Variants in MALRD1 observed in about 807,000 individuals in gnomAD.
MALRD1 encodes the protein MAM and LDL-receptor class A domain-containing protein 1.
In MALRD1, 247 loss-of-function variants were observed where a neutral mutation model predicts 242.1. That is an observed-to-expected ratio of 1.02 (90% CI 0.92 to 1.13). The LOEUF (loss-of-function observed/expected upper bound fraction) is 1.13, where lower values mean the gene tolerates loss of function less well. Among genes scored for constraint, MALRD1 ranks in the 50% most tolerant of loss-of-function variants. The pLI is 0.00. For missense variants in MALRD1, 2,989 were observed against 2,533.1 expected (o/e 1.18, Z -3.86); for synonymous variants, 995 against 866.6 (o/e 1.15, Z -2.60).
chr10:19,061,862 T>C (rs1486462390), intron 1 of MALRD1, among the ~76,000 whole-genome samples: 5 of 152,134 alleles, frequency 3.3e-5, no homozygotes, highest in Non-Finnish European at 7.4e-5. Context: ...TTCATAATAT[T>C]AGATGTGGTA....
intron 35 of MALRD1, among the ~76,000 whole-genome samples, chr10:19,611,266 A>C (rs1164288615): frequency 1.3e-5 from 2 of 151,990 alleles, no homozygotes; most frequent in Non-Finnish European, 1.5e-5. Context: ...ATCAGGGAAC[A>C]CCAGGACTTA....
At chr10:19,161,811 C>T (rs572041868) in intron 12 of MALRD1, among the ~76,000 whole-genome samples, 48 of 152,170 alleles carry the variant, frequency 3.2e-4, no homozygotes, top group African/African-American at 1.1e-3. Context: ...AGGTGGATCA[C>T]GAGGTCAGGA....
Position 19,126,141 on chromosome 10 carries a change from T to G in MALRD1, c.943+1471T>G, listed in dbSNP as rs182209402. Among the ~76,000 whole-genome samples the G allele has an allele frequency of 7.6e-4, 115 of 152,218 alleles. 1 individual carries two copies. The South Asian group carries it at 9.5e-3, about 13-fold the overall frequency. ...AGTGACAGAGAAGTCTGAGTGCATG[T>G]AATGGTTTTTAGTTTAATGCAGATT... On this transcript the variant is annotated intron_variant, in intron 7 of 39. Coordinates refer to ENST00000454679, the MANE Select transcript of MALRD1 (RefSeq NM_001142308.3).
chr10:19,608,422 A>T (rs372223834), intron 35 of MALRD1, among the ~76,000 whole-genome samples: 1 of 152,044 alleles, frequency 6.6e-6, no homozygotes, highest in Non-Finnish European at 1.5e-5. Flanking sequence ...CTGACAGTAT[A>T]TATCTGTCAT....
intron 4 of MALRD1, among the ~76,000 whole-genome samples, chr10:19,088,519 C>T (rs1288076712): frequency 6.8e-6 from 1 of 146,410 alleles, no homozygotes; most frequent in African/African-American, 2.5e-5. Context: ...CTTACTGCTC[C>T]AACTTCCTCT....
In MALRD1 at chr10:19,602,405, C is replaced by A. The variant is rs1376198005; in HGVS notation, c.5945-5372C>A. 3.5e-5 allele frequency among the ~76,000 whole-genome samples: 5 copies of A among 141,412 alleles called. No homozygotes were observed. In the East Asian group the frequency reaches 1.1e-3, roughly 30 times the overall value. 92.8% of individuals were successfully genotyped at this position (141,412 alleles called of 152,430 possible). A position where few individuals can be genotyped will look rare whatever the true frequency, so the allele number is the denominator to read the frequency against. ...GTTACCCTTCCTGTGTCCAAGTGTTCTCATTGTTCAATTCCCATCTATGAG... is the reference window on the plus strand; with the variant it reads ...GTTACCCTTCCTGTGTCCAAGTGTTATCATTGTTCAATTCCCATCTATGAG... On this transcript the variant is annotated intron_variant, in intron 34 of 39. Coordinates refer to ENST00000454679, the MANE Select transcript of MALRD1 (RefSeq NM_001142308.3).
At chr10:19,048,085 C>T (rs933978255), upstream of MALRD1, among the ~76,000 whole-genome samples, 6 of 152,062 alleles carry the variant, frequency 3.9e-5, no homozygotes, top group Non-Finnish European at 7.4e-5. Context: ...GAATATGCAT[C>T]CTGAAATCAG....
chr10:19,331,526 T>C lies in MALRD1; in HGVS notation c.3845T>C (p.Leu1282Pro), dbSNP rs1312694830. The change falls in exon 24 of 40, where the codon CTG becomes CCG. Residue 1282 changes from leucine (L) to proline (P), a missense_variant. Coordinates refer to ENST00000454679, the MANE Select transcript of MALRD1 (RefSeq NM_001142308.3). Reference protein sequence around the residue: ...ANKHCIAKDKLCDFVNDCADN... With the variant: ...ANKHCIAKDKPCDFVNDCADN... ...AAGCACTGCATTGCCAAAGACAAGCTGTGTGATTTTGTGAATGATTGTGCT... is the reference window on the plus strand; with the variant it reads ...AAGCACTGCATTGCCAAAGACAAGCCGTGTGATTTTGTGAATGATTGTGCT... 3.2e-6 allele frequency: 5 copies of C among 1,550,232 alleles called. No individual in the cohort carries two copies. The highest frequency in any genetic ancestry group is 4.4e-6 in the Non-Finnish European group (5 of 1,146,812).
At chr10:19,669,034 A>G (rs1841801539) in intron 36 of MALRD1, among the ~76,000 whole-genome samples, 1 of 152,228 alleles carries the variant, frequency 6.6e-6, no homozygotes, top group Non-Finnish European at 1.5e-5. Flanking sequence ...TGGCAGCACT[A>G]TCCATAAAGA....
chr10:19,476,458 C>G (rs568903781), intron 29 of MALRD1, among the ~76,000 whole-genome samples: 36 of 152,224 alleles, frequency 2.4e-4, no homozygotes, highest in African/African-American at 8.7e-4. Context: ...GACATGCCCA[C>G]TGAGAGACAT....
At chr10:19,363,109 A>G (rs943752705) in intron 26 of MALRD1, among the ~76,000 whole-genome samples, 10 of 152,144 alleles carry the variant, frequency 6.6e-5, no homozygotes, top group African/African-American at 2.4e-4. Flanking sequence ...CAGCATTTGA[A>G]TACAAATCTA....
At chr10:19,345,648 A>T (rs1030244940) in intron 24 of MALRD1, among the ~76,000 whole-genome samples, 10 of 152,184 alleles carry the variant, frequency 6.6e-5, no homozygotes, top group Admixed American at 3.9e-4. Flanking sequence ...CCATTTGATG[A>T]CATAAATTAT....
chr10:19,548,832 C>A (rs894231454), intron 32 of MALRD1, among the ~76,000 whole-genome samples: 5 of 152,068 alleles, frequency 3.3e-5, no homozygotes, highest in African/African-American at 1.2e-4. Flanking sequence ...GGAAGAACAG[C>A]ACTTCTCCTA....
intron 18 of MALRD1, among the ~76,000 whole-genome samples, chr10:19,241,407 T>A (rs556059207): frequency 6.6e-6 from 1 of 152,266 alleles, no homozygotes; most frequent in South Asian, 2.1e-4. Context: ...TTCTGTGGTG[T>A]ATCAGTTGTA....
chr10:19,631,699 A>G (rs7919538), intron 36 of MALRD1, among the ~76,000 whole-genome samples: 21,908 of 152,062 alleles, frequency 0.14, 2,699 homozygotes, highest in African/African-American at 0.33. Context: ...TTGGTGTGAG[A>G]TGCTATGTCA....
intron 28 of MALRD1, among the ~76,000 whole-genome samples, chr10:19,414,442 A>G (rs1833421489): frequency 6.6e-6 from 1 of 152,202 alleles, no homozygotes; most frequent in African/African-American, 2.4e-5. Flanking sequence ...TATTTGAGTT[A>G]TTGGGGTAAA....
At chr10:19,627,284 A>G (rs577254344) in intron 36 of MALRD1, among the ~76,000 whole-genome samples, 24 of 152,282 alleles carry the variant, frequency 1.6e-4, no homozygotes, top group African/African-American at 5.8e-4. Flanking sequence ...ATCTTGAAGT[A>G]TGAGGGTCTT....
At chr10:19,504,186 T>C (rs1838095337) in intron 31 of MALRD1, among the ~76,000 whole-genome samples, 1 of 152,228 alleles carries the variant, frequency 6.6e-6, no homozygotes, top group Non-Finnish European at 1.5e-5. Context: ...ATTATTCTGA[T>C]ATCAGAGATG....
intron 21 of MALRD1, among the ~76,000 whole-genome samples, chr10:19,291,738 T>TA (rs1466197538): frequency 1.3e-5 from 2 of 151,666 alleles, no homozygotes; most frequent in East Asian, 3.9e-4. Context: ...ATAACTAATT[T>TA]AAAAAAACAA....
Sources: gnomAD v4.1 joint callset for allele counts (sites outside exome capture counted in the v4.1 genomes callset) on GRCh38, gnomAD v4.1.1 for gene constraint, MANE v1.5 for transcripts, NCBI Gene and HGNC (gene_info 2026-07-23, HGNC 2026-07-21) for gene names.